ZDHHC17: variants seen among roughly 807,000 people sequenced by gnomAD.
ZDHHC17 encodes the protein zDHHC palmitoyltransferase 17, also known as palmitoyltransferase ZDHHC17.
A neutral mutation model predicts 90.3 loss-of-function variants in ZDHHC17; 40 were observed. The observed-to-expected ratio is 0.44, with a 90% CI of 0.34 to 0.58. The LOEUF (loss-of-function observed/expected upper bound fraction) is 0.58. ZDHHC17 is among the 20% of genes least tolerant of loss of function. The pLI is 0.01. For missense variants in ZDHHC17, 614 were observed against 780.8 expected, an observed-to-expected ratio of 0.79 and a Z score of 2.55; for synonymous variants, 235 against 252.4, an observed-to-expected ratio of 0.93 and a Z score of 0.65.
intron 10 of ZDHHC17, among the ~76,000 whole-genome samples, chr12:76,833,255 T>A (rs186886280): frequency 0.013 from 1,975 of 152,268 alleles, 14 homozygotes; most frequent in Non-Finnish European, 0.017. Flanking sequence ...TTGATTTTTT[T>A]AAAAAACTAT....
chr12:76,813,331 A>G lies in ZDHHC17; in HGVS notation c.544-1815A>G, dbSNP rs1474678230. 3 of 450,440 alleles carry G rather than the reference A, an allele frequency of 6.7e-6. No individual in the cohort carries two copies. The Admixed American group carries it at 7.2e-5, about 11-fold the overall frequency. The allele number at this position is 450,440 out of a possible 1,614,324, so 27.9% of individuals were successfully genotyped here. On this transcript the variant is annotated intron_variant, in intron 5 of 16. Coordinates refer to ENST00000426126, the MANE Select transcript of ZDHHC17 (RefSeq NM_015336.4). ...GCCACAGGATTATTTTAAAAAATGT[A>G]CTTGCATATTGGAAATGTTGAGTGA...
rs141336909 is a variant in ZDHHC17, at chr12:76,831,897, C to T, written c.1141+3407C>T. On this transcript the variant is annotated intron_variant, in intron 10 of 16. Coordinates refer to ENST00000426126, the MANE Select transcript of ZDHHC17 (RefSeq NM_015336.4). Reference sequence around the variant, plus strand: ...CTGGGCTCAAGTGGTTCTCTTGCCTCAGCCTCCCAAAGTGCTGGGATTACA... The same window carrying T: ...CTGGGCTCAAGTGGTTCTCTTGCCTTAGCCTCCCAAAGTGCTGGGATTACA... 1.2e-4 allele frequency among the ~76,000 whole-genome samples: 19 copies of T among 152,304 alleles called. No individual in the cohort carries two copies. The East Asian group carries it at 3.1e-3, about 25-fold the overall frequency.
chr12:76,790,661 G>T (rs10862509), intron 1 of ZDHHC17, among the ~76,000 whole-genome samples: 61,165 of 152,034 alleles, frequency 0.4, 12,644 homozygotes, highest in East Asian at 0.65. Flanking sequence ...TAAGGTTGAT[G>T]AATATTTTCC....
At chr12:76,849,252 G>A (rs1430621571) in intron 15 of ZDHHC17, 124 bp from the exon 16 acceptor site, 8 of 472,960 alleles carry the variant, frequency 1.7e-5, no homozygotes, top group Non-Finnish European at 2.5e-5. Context: ...GGAATCACTT[G>A]AGCCCACCCA....
At chr12:76,845,654 G>T in intron 12 of ZDHHC17, 55 bp from the exon 13 acceptor site, 1 of 708,914 alleles carries the variant, frequency 1.4e-6, no homozygotes, top group Non-Finnish European at 2.2e-6. Context: ...TAAATAGTCA[G>T]CTTTTCTCTC....
intron 8 of ZDHHC17, among the ~76,000 whole-genome samples, chr12:76,824,918 A>T (rs1247159570): frequency 6.6e-6 from 1 of 152,122 alleles, no homozygotes; most frequent in Non-Finnish European, 1.5e-5. Context: ...TTAGAATATT[A>T]AGTAAAAGGA....
intron 1 of ZDHHC17, among the ~76,000 whole-genome samples, chr12:76,770,727 C>T (rs773830826): frequency 2.0e-5 from 3 of 151,904 alleles, no homozygotes; most frequent in African/African-American, 7.3e-5. Context: ...CTCCTGAGGT[C>T]GGGAGTTCGA....
intron 10 of ZDHHC17, among the ~76,000 whole-genome samples, chr12:76,830,408 A>T (rs980173591): frequency 6.6e-6 from 1 of 152,186 alleles, no homozygotes; most frequent in Non-Finnish European, 1.5e-5. Context: ...TTTTTACTGC[A>T]TTATGTAATT....
chr12:76,828,542 G>T, intron 10 of ZDHHC17, 52 bp downstream of exon 10: 1 of 1,494,612 alleles, frequency 6.7e-7, no homozygotes, highest in Non-Finnish European at 9.3e-7. Flanking sequence ...TTTGTTATTT[G>T]AATAGATGTT....
rs180996517 is a variant in ZDHHC17, at chr12:76,824,811, C to A, written c.898-2097C>A. On this transcript the variant is annotated intron_variant, in intron 8 of 16. Transcript: ENST00000426126. ...TGAGCCAAGATCATGCCACTGCACT[C>A]CAGCCTGGGTGACCGAGTGAGACCT... Among the ~76,000 whole-genome samples, 56 of 150,864 alleles carry A rather than the reference C, an allele frequency of 3.7e-4. No individual in the cohort carries two copies. The East Asian group carries it at 0.01, about 27-fold the overall frequency.
intron 8 of ZDHHC17, among the ~76,000 whole-genome samples, chr12:76,824,132 T>G (rs1953202334): frequency 3.3e-5 from 5 of 152,116 alleles, no homozygotes. Context: ...CTTACAAATT[T>G]TAGATGTTGC....
At chr12:76,803,785 T>C (rs1371596260) in intron 2 of ZDHHC17, among the ~76,000 whole-genome samples, 1 of 152,234 alleles carries the variant, frequency 6.6e-6, no homozygotes, top group East Asian at 1.9e-4. Context: ...AAATAGCTGC[T>C]GGGTTTGAAT....
At chr12:76,771,284 T>C (rs1952489683) in intron 1 of ZDHHC17, among the ~76,000 whole-genome samples, 1 of 152,206 alleles carries the variant, frequency 6.6e-6, no homozygotes, top group African/African-American at 2.4e-5. Context: ...ACTTCAGCCT[T>C]CTGTGAATGA....
intron 5 of ZDHHC17, among the ~76,000 whole-genome samples, chr12:76,813,822 T>C (rs548567323): frequency 2.6e-5 from 4 of 152,202 alleles, no homozygotes; most frequent in South Asian, 2.1e-4. Context: ...AGAAGTCTTA[T>C]GAAGTTATTT....
chr12:76,764,171 G>T lies in ZDHHC17; in HGVS notation c.-66G>T. 1.6e-6 allele frequency: 2 copies of T among 1,274,968 alleles called. No individual in the cohort carries two copies. Among genetic ancestry groups the T allele is most frequent in the South Asian group, 1.5e-5 (1 of 64,644 alleles). 79.0% of individuals were successfully genotyped at this position (1,274,968 alleles called of 1,614,324 possible). ...GCCCGCGTCGCCTCCGGCGGGGCTC[G>T]CGCTCGCCCCGCGCTCGCCCTCCGC... On this transcript the variant is annotated 5_prime_UTR_variant, in exon 1 of 17. Transcript: ENST00000426126.
intron 10 of ZDHHC17, among the ~76,000 whole-genome samples, chr12:76,836,585 TATTAA>T (rs1953366262): frequency 6.6e-6 from 1 of 152,150 alleles, no homozygotes; most frequent in Admixed American, 6.5e-5. Flanking sequence ...TTCTTTAGCT[TATTAA>T]ATTGTTTAGT....
chr12:76,800,458 T>G (rs1358465346), intron 2 of ZDHHC17, among the ~76,000 whole-genome samples: 1 of 152,236 alleles, frequency 6.6e-6, no homozygotes, highest in African/African-American at 2.4e-5. Context: ...TAGCTCTTAC[T>G]GTAGAACTAT....
intron 10 of ZDHHC17, among the ~76,000 whole-genome samples, chr12:76,828,768 A>G (rs985756386): frequency 3.9e-5 from 6 of 152,164 alleles, no homozygotes; most frequent in African/African-American, 1.4e-4. Flanking sequence ...CATTTCATAA[A>G]TTAGTATTGT....
At chr12:76,821,287 C>T (rs1332292509) in intron 7 of ZDHHC17, 2 of 293,278 alleles carry the variant, frequency 6.8e-6, no homozygotes, top group Non-Finnish European at 1.2e-5. Context: ...CCTAGATTAG[C>T]CCATTTCTTA....
Sources: allele counts gnomAD v4.1 joint callset (sites outside exome capture counted in the v4.1 genomes callset), GRCh38; gene constraint gnomAD v4.1.1; transcripts MANE v1.5; gene names NCBI Gene and HGNC (gene_info 2026-07-23, HGNC 2026-07-21).